Variants in INCENP observed in about 807,000 individuals in gnomAD.
The protein encoded by INCENP is inner centromere protein.
In INCENP, 43 loss-of-function variants were observed where a neutral mutation model predicts 107.3. The observed-to-expected ratio is 0.40, with a 90% CI of 0.31 to 0.52. The LOEUF (loss-of-function observed/expected upper bound fraction) is 0.52. Among genes scored for constraint, INCENP ranks in the 20% least tolerant of loss-of-function variants. The probability of loss-of-function intolerance (pLI) is 0.53; values close to 1 mark genes in which losing one functional copy is unlikely to be tolerated. For missense variants in INCENP, 1,089 were observed against 1,250.9 expected, an observed-to-expected ratio of 0.87 and a Z score of 1.95; for synonymous variants, 488 against 494.4, an observed-to-expected ratio of 0.99 and a Z score of 0.17.
At chr11:62,131,780 A>G (rs1943898660) in intron 4 of INCENP, among the ~76,000 whole-genome samples, 1 of 151,548 alleles carries the variant, frequency 6.6e-6, no homozygotes, top group African/African-American at 2.4e-5. Context: ...GCCAGGATTT[A>G]TCTTTTTTTT....
At chr11:62,129,643 G>T in intron 3 of INCENP, 139 bp from the exon 4 acceptor site, 1 of 678,242 alleles carries the variant, frequency 1.5e-6, no homozygotes, top group Non-Finnish European at 2.5e-6. Context: ...GCTAGAGGTG[G>T]CAGAATCTGG....
chr11:62,142,623 AT>A (rs564800886), intron 11 of INCENP, among the ~76,000 whole-genome samples: 281 of 152,204 alleles, frequency 1.8e-3, no homozygotes, highest in African/African-American at 6.5e-3. Flanking sequence ...CAATGTTGAT[AT>A]TTTCTCAGCA....
Position 62,130,519 on chromosome 11 carries a change from T to G in INCENP, c.992T>G (p.Val331Gly). ...KYSLVAKQES[V>G]VRRASRRLAK... ...TCTCTGGTGGCCAAACAGGAAAGTG[T>G]TGTCCGCAGGGCGAGCAGAAGGCTT... is the stretch of plus-strand genomic sequence containing the variant. Residue 331 changes from valine to glycine, a missense_variant, in exon 4 of 19, where the codon GTT becomes GGT. Transcript: ENST00000394818. 1 of 1,614,072 alleles carries G rather than the reference T, an allele frequency of 6.2e-7. No individual in the cohort carries two copies. Among genetic ancestry groups the G allele is most frequent in the Non-Finnish European group, 8.5e-7 (1 of 1,180,040 alleles).
chr11:62,131,537 G>A (rs1324898511), intron 4 of INCENP, among the ~76,000 whole-genome samples: 1 of 152,152 alleles, frequency 6.6e-6, no homozygotes, highest in Non-Finnish European at 1.5e-5. Flanking sequence ...AAAAAATGCG[G>A]GGATATGTGT....
At chr11:62,146,631 A>G in intron 14 of INCENP, 27 bp from the exon 15 acceptor site, 1 of 1,549,940 alleles carries the variant, frequency 6.5e-7, no homozygotes, top group Non-Finnish European at 8.7e-7. Flanking sequence ...GCCTGGCCGC[A>G]GCACCTGACC....
intron 14 of INCENP, 137 bp downstream of exon 14, chr11:62,145,888 T>G: frequency 1.8e-6 from 2 of 1,102,434 alleles, no homozygotes; most frequent in Non-Finnish European, 2.5e-6. Flanking sequence ...GAAGGAGGTT[T>G]CCCAGAAGTC....
At chr11:62,139,923 G>A (rs1332360822) in intron 7 of INCENP, among the ~76,000 whole-genome samples, 1 of 152,174 alleles carries the variant, frequency 6.6e-6, no homozygotes, top group Non-Finnish European at 1.5e-5. Context: ...TGAGCTGGGG[G>A]TAGCCAGGCC....
At chr11:62,129,688 T>C in intron 3 of INCENP, 94 bp from the exon 4 acceptor site, 1 of 1,048,304 alleles carries the variant, frequency 9.5e-7, no homozygotes, top group Non-Finnish European at 1.4e-6. Context: ...CACCTTCTCT[T>C]ATCATACTCT....
At position 62,128,760 on chromosome 11, in the gene INCENP, TGC is replaced by T; in HGVS notation, c.141-9_141-8del. Reference sequence around the variant, plus strand: ...GCAGCCTCGAGTGACACCCTCCTTGTGCCAAACAGAGAATTCAGCAAAGAGCC... The same window carrying T: ...GCAGCCTCGAGTGACACCCTCCTTGTCAAACAGAGAATTCAGCAAAGAGCC... On this transcript the variant is annotated splice_polypyrimidine_tract_variant and splice_region_variant and intron_variant, in intron 2 of 18. Transcript: ENST00000394818. The T allele has an allele frequency of 6.2e-7, 1 of 1,602,530 alleles. No homozygotes were observed. Among genetic ancestry groups the T allele is most frequent in the Non-Finnish European group, 8.6e-7 (1 of 1,169,518 alleles).
intron 11 of INCENP, chr11:62,144,679 T>A (rs1414258829): frequency 1.5e-6 from 1 of 668,120 alleles, no homozygotes; most frequent in Non-Finnish European, 2.8e-6. Flanking sequence ...GTAGTTGTCA[T>A]TAGCACATAA....
chr11:62,145,543 T>C, intron 13 of INCENP, 86 bp from the exon 14 acceptor site: 2 of 1,475,464 alleles, frequency 1.4e-6, no homozygotes, highest in Non-Finnish European at 1.8e-6. Context: ...CAGGGGCAGG[T>C]GGGGCCTGTC....
rs533716494 is a variant in INCENP, at chr11:62,133,337, G to T, written c.1063+2747G>T. Among the ~76,000 whole-genome samples the T allele has an allele frequency of 5.3e-5, 8 of 152,294 alleles. 1 individual carries two copies. In the South Asian group the frequency reaches 1.7e-3, roughly 32 times the overall value. ...ATAGGAAAAAAAGCCAGCAGTCAGC[G>T]TGGGTGGAGGGGGCTTCTGGAAGCC... is the stretch of plus-strand genomic sequence containing the variant. On this transcript the variant is annotated intron_variant, in intron 4 of 18. Transcript: ENST00000394818.
At chr11:62,133,908 C>G (rs2134631481) in intron 4 of INCENP, among the ~76,000 whole-genome samples, 1 of 152,274 alleles carries the variant, frequency 6.6e-6, no homozygotes, top group East Asian at 1.9e-4. Flanking sequence ...TCCTGAGACC[C>G]TGTGCACCCC....
rs113981632 is a variant in INCENP, at chr11:62,146,810, G to A, written c.2112G>A (p.Glu704=). 0.048 allele frequency: 74,580 copies of A among 1,541,050 alleles called. 1,960 individuals carry two copies. Among genetic ancestry groups the A allele is most frequent in the African/African-American group, 0.055 (3,989 of 72,918 alleles). ...EQERREQERR[E]QERREQERRE... ...AGCGGCGCGAGCAGGAGCGGCGCGA[G>A]CAGGAGCGGCGGGAGCAGGAGCGGC... is the stretch of plus-strand genomic sequence containing the variant. Residue 704 remains glutamate (E), a synonymous_variant, in exon 15 of 19, where the codon GAG becomes GAA. Transcript: ENST00000394818.
chr11:62,152,819 GGCAGCT>G lies in INCENP; in HGVS notation c.*846_*851del, dbSNP rs1198656397. On this transcript the variant is annotated 3_prime_UTR_variant, in exon 19 of 19. Coordinates refer to ENST00000394818, the MANE Select transcript of INCENP (RefSeq NM_001040694.2). Reference sequence around the variant, plus strand: ...GCGAGATATTTCCCCAGCAAAACCAGGCAGCTGCTAATTAAATGCTTAGAACCAATG... The same window carrying G: ...GCGAGATATTTCCCCAGCAAAACCAGGCTAATTAAATGCTTAGAACCAATG... The G allele has an allele frequency of 6.6e-6, 1 of 152,244 alleles. No homozygotes were observed. The highest frequency in any genetic ancestry group is 1.5e-5 in the Non-Finnish European group (1 of 68,074). 9.4% of individuals were successfully genotyped at this position (152,244 alleles called of 1,614,324 possible). A position where few individuals can be genotyped will look rare whatever the true frequency, so the allele number is the denominator to read the frequency against.
chr11:62,142,818 C>T (rs1944152688), intron 11 of INCENP, among the ~76,000 whole-genome samples: 1 of 152,210 alleles, frequency 6.6e-6, no homozygotes, highest in Non-Finnish European at 1.5e-5. Context: ...GTTTAGTTCT[C>T]AGCCTTCGGT....
intron 14 of INCENP, among the ~76,000 whole-genome samples, chr11:62,146,320 C>A (rs992271423): frequency 5.3e-5 from 8 of 152,206 alleles, no homozygotes; most frequent in Non-Finnish European, 1.0e-4. Flanking sequence ...AACCCAGCAA[C>A]CCCATGAAGT....
intron 11 of INCENP, among the ~76,000 whole-genome samples, chr11:62,144,335 C>CAAAAAAAAAAAAAAA (rs3972386): frequency 7.5e-6 from 1 of 133,866 alleles, no homozygotes; most frequent in African/African-American, 2.8e-5. Context: ...TGTCTCCACA[C>CAAAAAAAAAAAAAAA]AAAAAAAAAA....
chr11:62,146,939 G>T lies in INCENP; in HGVS notation c.2204+37G>T, dbSNP rs1305840621. 6 of 1,594,812 alleles carry T rather than the reference G, an allele frequency of 3.8e-6. No individual in the cohort carries two copies. In the Admixed American group the frequency reaches 1.0e-4, roughly 27 times the overall value. On this transcript the variant is annotated intron_variant, in intron 15 of 18. Coordinates refer to ENST00000394818, the MANE Select transcript of INCENP (RefSeq NM_001040694.2). ...GCTGGCCCGCCTGCCTGCCTTCCAT[G>T]TGTGTGGAAGAGAGACGGTGTGAAC... is the stretch of plus-strand genomic sequence containing the variant.
Sources: allele counts gnomAD v4.1 joint callset (sites outside exome capture counted in the v4.1 genomes callset), GRCh38; gene constraint gnomAD v4.1.1; transcripts MANE v1.5; gene names NCBI Gene and HGNC (gene_info 2026-07-23, HGNC 2026-07-21).